HTR3D: variants seen among roughly 807,000 people sequenced by gnomAD.
HTR3D encodes the protein 5-hydroxytryptamine (serotonin) receptor 3 family member D.
A neutral mutation model predicts 45.8 loss-of-function variants in HTR3D; 47 were observed. The observed-to-expected ratio is 1.03, with a 90% CI of 0.81 to 1.31. The LOEUF (loss-of-function observed/expected upper bound fraction) is 1.31. HTR3D is among the 50% of genes most tolerant of loss of function. The pLI is 0.00. For synonymous variants in HTR3D, 203 were observed against 199.8 expected (o/e 1.02, Z -0.13); for missense variants, 448 against 506.9 (o/e 0.88, Z 1.12).
chr3:184,039,107 A>C lies in HTR3D; in HGVS notation c.*132A>C. 1.0e-6 allele frequency: 1 copy of C among 990,264 alleles called. No homozygotes were observed. Among genetic ancestry groups the C allele is most frequent in the Non-Finnish European group, 1.5e-6 (1 of 665,034 alleles). The allele number at this position is 990,264 out of a possible 1,614,324, so 61.3% of individuals were successfully genotyped here. A position where few individuals can be genotyped will look rare whatever the true frequency, so the allele number is the denominator to read the frequency against. Reference sequence around the variant, plus strand: ...TTAACCCAGTCCTCTGTGTAGTTTCAGACCAGACCTGAATAGTCTCCTATG... The same window carrying C: ...TTAACCCAGTCCTCTGTGTAGTTTCCGACCAGACCTGAATAGTCTCCTATG... On this transcript the variant is annotated 3_prime_UTR_variant, in exon 8 of 8. Transcript: ENST00000428798.
Position 184,038,261 on chromosome 3 carries a change from G to T in HTR3D, c.757G>T (p.Asp253Tyr). ...ASLVRPHPSR[D>Y]QKRGVYFALC... ...ACTAGTACGTCCTCATCCATCAAGA[G>T]ACCAAAAGCGAGGTGTGTGTTGGAT... Residue 253 changes from aspartate (D) to tyrosine (Y), a missense_variant, in exon 6 of 8, where the codon GAC becomes TAC. Physicochemically the swap from Asp to Tyr is radical, Grantham distance 160. Coordinates refer to ENST00000428798, the MANE Select transcript of HTR3D (RefSeq NM_001145143.1). This position sits in a 1 kb window ranked among gnomAD's most constrained non-coding sequence, Gnocchi z 4.5. The T allele has an allele frequency of 1.9e-6, 3 of 1,614,076 alleles. No homozygotes were observed. Among genetic ancestry groups the T allele is most frequent in the Non-Finnish European group, 2.5e-6 (3 of 1,179,976 alleles).
At position 184,036,557 on chromosome 3, in the gene HTR3D, A is replaced by G; in HGVS notation, c.367+13A>G. 6.2e-7 allele frequency: 1 copy of G among 1,613,976 alleles called. No individual in the cohort carries two copies. The highest frequency in any genetic ancestry group is 8.5e-7 in the Non-Finnish European group (1 of 1,179,882). On this transcript the variant is annotated intron_variant, in intron 4 of 7. Coordinates refer to ENST00000428798, the MANE Select transcript of HTR3D (RefSeq NM_001145143.1). ...CCTACACAGGTAAGTGGGGCTCACT[A>G]AAGTAGACTGTTGAGAGGCAGAGAA...
At chr3:184,037,884 C>T (rs1336679114) in intron 5 of HTR3D, 137 bp from the exon 6 acceptor site, 11 of 1,047,838 alleles carry the variant, frequency 1.0e-5, no homozygotes, top group Non-Finnish European at 1.5e-5. Flanking sequence ...ATGAAAAGAC[C>T]GGATGCTGAA....
intron 5 of HTR3D, 55 bp downstream of exon 5, chr3:184,036,951 C>A (rs1722918723): frequency 6.6e-7 from 1 of 1,514,794 alleles, no homozygotes; most frequent in Non-Finnish European, 8.9e-7. Flanking sequence ...TGGTCTTGAA[C>A]TCCTGGCTTC....
rs201960469 is a variant in HTR3D at position 184,036,479 on chromosome 3, C to T, written c.302C>T (p.Pro101Leu). 8.2e-5 allele frequency: 133 copies of T among 1,614,228 alleles called. No individual in the cohort carries two copies. In the East Asian group the frequency reaches 1.1e-3, roughly 13 times the overall value. Residue 101 changes from proline (P) to leucine (L), a missense_variant, in exon 4 of 8, where the codon CCT becomes CTT. Pro to Leu is a moderately conservative substitution (Grantham distance 98). Coordinates refer to ENST00000428798, the MANE Select transcript of HTR3D (RefSeq NM_001145143.1). ...TGGTCAGCATCTGCAAACTGGACAC[C>T]TTCTATTTCCCCTTCCATGGACAGA... ...CGWSASANWT[P>L]SISPSMDRGE...
intron 1 of HTR3D, among the ~76,000 whole-genome samples, chr3:184,033,409 T>C (rs1281907502): frequency 6.6e-6 from 1 of 152,070 alleles, no homozygotes; most frequent in African/African-American, 2.4e-5. Flanking sequence ...GGCCCTTTGA[T>C]TGGATTTTGT....
intron 2 of HTR3D, 45 bp from the exon 3 acceptor site, chr3:184,035,970 G>A: frequency 6.5e-7 from 1 of 1,545,100 alleles, no homozygotes; most frequent in Non-Finnish European, 8.7e-7. Flanking sequence ...TGGGATTACA[G>A]ACAGAAGCCA....
chr3:184,038,814 T>C lies in HTR3D; in HGVS notation c.1054T>C (p.Ser352Pro). The C allele has an allele frequency of 2.5e-6, 4 of 1,613,920 alleles. No homozygotes were observed. Among genetic ancestry groups the C allele is most frequent in the Non-Finnish European group, 3.4e-6 (4 of 1,179,924 alleles). ...GPGEAELTGG[S>P]EWTRAQREHE... ...TGGGGAGGCAGAGCTGACAGGGGGC[T>C]CAGAATGGACAAGGGCCCAGCGGGA... Residue 352 changes from serine to proline, a missense_variant, in exon 8 of 8, where the codon TCA becomes CCA. By Grantham distance (74) the Ser-to-Pro change is moderately conservative. Transcript: ENST00000428798. The surrounding 1 kb of genome is among the most constrained non-coding windows in gnomAD (Gnocchi z 4.5).
In HTR3D at chr3:184,038,845, A is replaced by T; in HGVS notation, c.1085A>T (p.Glu362Val). Reference sequence around the variant, plus strand: ...TGGACAAGGGCCCAGCGGGAACACGAGGCCCAGAAGCAGCACTCGGTGGAG... The same window carrying T: ...TGGACAAGGGCCCAGCGGGAACACGTGGCCCAGAAGCAGCACTCGGTGGAG... Reference protein sequence around the residue: ...SEWTRAQREHEAQKQHSVELW... With the variant: ...SEWTRAQREHVAQKQHSVELW... The change falls in exon 8 of 8, where the codon GAG becomes GTG. Residue 362 changes from glutamate to valine, a missense_variant. By Grantham distance (121) the Glu-to-Val change is moderately radical (BLOSUM62 -2). Coordinates refer to ENST00000428798, the MANE Select transcript of HTR3D (RefSeq NM_001145143.1). The surrounding 1 kb of genome is among the most constrained non-coding windows in gnomAD (Gnocchi z 4.5). 6.2e-7 allele frequency: 1 copy of T among 1,614,112 alleles called. No individual in the cohort carries two copies. The highest frequency in any genetic ancestry group is 8.5e-7 in the Non-Finnish European group (1 of 1,180,014).
In HTR3D at chr3:184,032,938, G is replaced by C. The variant is rs1365923140; in HGVS notation, c.66+1131G>C. 2.6e-6 allele frequency: 4 copies of C among 1,552,570 alleles called. No individual in the cohort carries two copies. In the East Asian group the frequency reaches 9.8e-5, roughly 38 times the overall value. ...TTATCAATTGCCCAGGCTTTGGCCA[G>C]CACAGGGTGGACCCTGCAGCCTTTC... On this transcript the variant is annotated intron_variant, in intron 1 of 7. Coordinates refer to ENST00000428798, the MANE Select transcript of HTR3D (RefSeq NM_001145143.1).
rs923282823 is a variant in HTR3D, at chr3:184,038,004, C to T, written c.517-17C>T. The T allele has an allele frequency of 1.2e-6, 2 of 1,611,480 alleles. No homozygotes were observed. The highest frequency in any genetic ancestry group is 1.7e-6 in the Non-Finnish European group (2 of 1,178,166). Reference sequence around the variant, plus strand: ...CCAGCCTACTTCTCACTTGCCCCTCCTTCTCCTCCCCACCAGGTGGCCATC... The same window carrying T: ...CCAGCCTACTTCTCACTTGCCCCTCTTTCTCCTCCCCACCAGGTGGCCATC... On this transcript the variant is annotated splice_polypyrimidine_tract_variant and intron_variant, in intron 5 of 7. Transcript: ENST00000428798. This position sits in a 1 kb window ranked among gnomAD's most constrained non-coding sequence, Gnocchi z 4.5.
chr3:184,036,953 C>G (rs1576978885), intron 5 of HTR3D, 57 bp downstream of exon 5: 1 of 1,516,370 alleles, frequency 6.6e-7, no homozygotes, highest in South Asian at 1.3e-5. Flanking sequence ...GTCTTGAACT[C>G]CTGGCTTCAG....
intron 1 of HTR3D, among the ~76,000 whole-genome samples, chr3:184,033,809 C>T (rs912404309): frequency 7.2e-5 from 11 of 151,964 alleles, no homozygotes; most frequent in African/African-American, 1.5e-4. Context: ...CCCAGCTAGT[C>T]GGGAGGAGGA....
intron 5 of HTR3D, among the ~76,000 whole-genome samples, chr3:184,037,141 G>A (rs1271828397): frequency 6.6e-6 from 1 of 151,922 alleles, no homozygotes; most frequent in Non-Finnish European, 1.5e-5. Context: ...CTGGGTTCAA[G>A]TGATTCTCCT....
Position 184,039,114 on chromosome 3 carries a change from A to G in HTR3D, c.*139A>G. 1.1e-6 allele frequency: 1 copy of G among 889,862 alleles called. No individual in the cohort carries two copies. The highest frequency in any genetic ancestry group is 1.6e-5 in the South Asian group (1 of 60,772). The allele number at this position is 889,862 out of a possible 1,614,324, so 55.1% of individuals were successfully genotyped here. A position where few individuals can be genotyped will look rare whatever the true frequency, so the allele number is the denominator to read the frequency against. On this transcript the variant is annotated 3_prime_UTR_variant, in exon 8 of 8. Transcript: ENST00000428798. ...AGTCCTCTGTGTAGTTTCAGACCAG[A>G]CCTGAATAGTCTCCTATGCCCTCCA...
rs1359751591 is a variant in HTR3D, at chr3:184,038,489, G to C, written c.850G>C (p.Ala284Pro). The part of the protein sequence containing the change: ...TIFITHLLHV[A>P]TTQPLPLPRW... ...CTTCATCACCCACCTGCTGCACGTGGCCACCACCCAGCCCCTACCTCTGCC... is the reference window on the plus strand; with the variant it reads ...CTTCATCACCCACCTGCTGCACGTGCCCACCACCCAGCCCCTACCTCTGCC... The change falls in exon 7 of 8, where the codon GCC (alanine) becomes CCC (proline). Residue 284 changes from alanine (A) to proline (P), a missense_variant. Physicochemically the swap from Ala to Pro is conservative, Grantham distance 27 (BLOSUM62 -1). Transcript: ENST00000428798. This position sits in a 1 kb window ranked among gnomAD's most constrained non-coding sequence, Gnocchi z 4.5. 6 of 1,613,838 alleles carry C rather than the reference G, an allele frequency of 3.7e-6. No homozygotes were observed. The Admixed American group carries it at 1.0e-4, about 27-fold the overall frequency.
intron 1 of HTR3D, chr3:184,032,727 T>G (rs1722783085): frequency 7.4e-6 from 6 of 807,716 alleles, no homozygotes; most frequent in Non-Finnish European, 1.2e-5. Context: ...TTGACTCAGC[T>G]CACCTCATCA....
rs765456315 is a variant in HTR3D, at chr3:184,038,727, A to G, written c.986-19A>G. 1.3e-6 allele frequency: 2 copies of G among 1,570,124 alleles called. No homozygotes were observed. The highest frequency in any genetic ancestry group is 2.7e-5 in the African/African-American group (2 of 73,722). ...AGGTGACATTTGCAGCCCATGGCTG[A>G]GTCTCTGTCTTTCTGTAGGTGTGAA... On this transcript the variant is annotated intron_variant, in intron 7 of 7. Transcript: ENST00000428798. This position sits in a 1 kb window ranked among gnomAD's most constrained non-coding sequence, Gnocchi z 4.5.
chr3:184,037,050 T>A (rs560299316), intron 5 of HTR3D, among the ~76,000 whole-genome samples, 154 bp downstream of exon 5: 84 of 150,144 alleles, frequency 5.6e-4, no homozygotes, highest in African/African-American at 1.7e-3. Context: ...TTTTTTTTTT[T>A]AAATTTGAGA....
Sources: allele counts gnomAD v4.1 joint callset (sites outside exome capture counted in the v4.1 genomes callset), GRCh38; gene constraint gnomAD v4.1.1; non-coding constraint Gnocchi (gnomAD v3.1); transcripts MANE v1.5; gene names NCBI Gene and HGNC (gene_info 2026-07-23, HGNC 2026-07-21).